ADGRE2: variants seen among roughly 807,000 people sequenced by gnomAD.
ADGRE2 encodes CD97 antigen.
ADGRE2 carries 83 observed loss-of-function variants against 100.8 expected under a neutral mutation model. The ratio of observed to expected loss-of-function variants is 0.82; its 90% CI spans 0.69 to 0.99. The LOEUF (loss-of-function observed/expected upper bound fraction) is 0.99. ADGRE2 is among the 50% of genes least tolerant of loss of function. The probability of loss-of-function intolerance (pLI) is 0.00; values close to 1 mark genes in which losing one functional copy is unlikely to be tolerated. For synonymous variants in ADGRE2, 355 were observed against 413.0 expected (o/e 0.86, Z 1.70); for missense variants, 814 against 1,035.7 (o/e 0.79, Z 2.94).
intron 16 of ADGRE2, among the ~76,000 whole-genome samples, chr19:14,750,638 A>G (rs973163886): frequency 6.6e-6 from 1 of 152,200 alleles, no homozygotes; most frequent in Non-Finnish European, 1.5e-5. Flanking sequence ...AATCTTAACT[A>G]TGACAATATC....
rs1002964878 is a variant in ADGRE2, at chr19:14,736,091, G to T, written c.*145C>A. On this transcript the variant is annotated 3_prime_UTR_variant, in exon 21 of 21. Transcript: ENST00000315576. ...TCTGCAGGAATTGAATGCCTAGCAC[G>T]CCTTCCATAACATCCTTCATATTGC... 2.6e-5 allele frequency: 19 copies of T among 726,676 alleles called. No homozygotes were observed. The highest frequency in any genetic ancestry group is 5.4e-5 in the African/African-American group (3 of 55,190). 45.0% of individuals were successfully genotyped at this position (726,676 alleles called of 1,614,324 possible).
chr19:14,770,904 T>A (rs571350690), intron 5 of ADGRE2, among the ~76,000 whole-genome samples: 67 of 152,154 alleles, frequency 4.4e-4, no homozygotes, highest in South Asian at 8.3e-4. Context: ...GGTCTTGAAC[T>A]CCTGACCTCA....
intron 11 of ADGRE2, among the ~76,000 whole-genome samples, chr19:14,763,153 C>T (rs1198986943): frequency 6.6e-6 from 1 of 152,000 alleles, no homozygotes; most frequent in African/African-American, 2.4e-5. Context: ...ACCATCCTGG[C>T]TAACACGGTG....
At chr19:14,727,497 G>A (rs1338354807), downstream of ADGRE2, among the ~76,000 whole-genome samples, 10 of 152,098 alleles carry the variant, frequency 6.6e-5, no homozygotes, top group Non-Finnish European at 1.3e-4. Context: ...GAGTAGAGAC[G>A]TTCCATACTC....
downstream of ADGRE2, among the ~76,000 whole-genome samples, chr19:14,730,740 G>C (rs372743614): frequency 2.6e-5 from 4 of 151,722 alleles, no homozygotes; most frequent in East Asian, 7.7e-4. Context: ...GCTGAGGTTT[G>C]GGGTACAAAT....
rs1438043808 is a variant in ADGRE2 at position 14,765,638 on chromosome 19, C to G, written c.781+20G>C. 6.2e-7 allele frequency: 1 copy of G among 1,614,242 alleles called. No homozygotes were observed. Among genetic ancestry groups the G allele is most frequent in the Non-Finnish European group, 8.5e-7 (1 of 1,180,024 alleles). ...CAGTGTGTGTGCTGGGGGTGGGGAG[C>G]TTCTAGGGCCAGGTCATACCTTCAC... On this transcript the variant is annotated intron_variant, in intron 8 of 20. Coordinates refer to ENST00000315576, the MANE Select transcript of ADGRE2 (RefSeq NM_013447.4).
intron 1 of ADGRE2, 69 bp from the exon 2 acceptor site, chr19:14,776,996 A>G: frequency 2.2e-6 from 3 of 1,365,638 alleles, no homozygotes; most frequent in Non-Finnish European, 1.9e-6. Context: ...ACACACACAC[A>G]CACACACACA....
intron 20 of ADGRE2, among the ~76,000 whole-genome samples, chr19:14,736,850 G>GATATTAAATATCTATATATTTCT (rs2042767799): frequency 4.2e-5 from 6 of 141,454 alleles, no homozygotes; most frequent in Non-Finnish European, 7.7e-5. Flanking sequence ...TATATATTTA[G>GATATTAAATATCTATATATTTCT]AAATATATAG....
chr19:14,754,483 CTATCTATT>C (rs2043419721), intron 14 of ADGRE2, among the ~76,000 whole-genome samples: 1 of 148,434 alleles, frequency 6.7e-6, no homozygotes, highest in South Asian at 2.1e-4. Flanking sequence ...ATCTATCTAT[CTATCTATT>C]CCATTAGTTC....
At chr19:14,753,730 G>C (rs1024316679) in intron 14 of ADGRE2, among the ~76,000 whole-genome samples, 6 of 151,846 alleles carry the variant, frequency 4.0e-5, no homozygotes, top group African/African-American at 1.5e-4. Flanking sequence ...GAAGGTCAAG[G>C]CTGCAGTGAG....
At chr19:14,774,850 T>C (rs1482216977) in intron 2 of ADGRE2, among the ~76,000 whole-genome samples, 1 of 149,882 alleles carries the variant, frequency 6.7e-6, no homozygotes, top group Non-Finnish European at 1.5e-5. Flanking sequence ...ATTTTTTGTA[T>C]TTTTAGTGAG....
intron 18 of ADGRE2, among the ~76,000 whole-genome samples, chr19:14,745,325 T>C (rs556036159): frequency 1.1e-4 from 16 of 152,328 alleles, no homozygotes; most frequent in African/African-American, 3.6e-4. Flanking sequence ...GATATTTTGT[T>C]AACATGCATA....
intron 11 of ADGRE2, among the ~76,000 whole-genome samples, chr19:14,760,108 G>C (rs769823871): frequency 1.2e-4 from 18 of 152,094 alleles, no homozygotes; most frequent in Non-Finnish European, 2.4e-4. Flanking sequence ...GTGAGCCACC[G>C]TGCCCGGCCC....
chr19:14,766,526 A>G (rs2043984704), intron 6 of ADGRE2, 145 bp from the exon 7 acceptor site: 1 of 937,592 alleles, frequency 1.1e-6, no homozygotes, highest in Non-Finnish European at 1.6e-6. Flanking sequence ...CTTCAACTTC[A>G]CCTTCAAAGC....
rs199894142 is a variant in ADGRE2 at position 14,765,590 on chromosome 19, C to T, written c.782-20G>A. On this transcript the variant is annotated intron_variant, in intron 8 of 20. Transcript: ENST00000315576. ...TCATATCTGTAGGGAACAAGACAAGCGGCTCATTAGGCGGGAGCGTGTCAG... is the reference window on the plus strand; with the variant it reads ...TCATATCTGTAGGGAACAAGACAAGTGGCTCATTAGGCGGGAGCGTGTCAG... The T allele has an allele frequency of 3.0e-4, 479 of 1,614,144 alleles. No individual in the cohort carries two copies. Among genetic ancestry groups the T allele is most frequent in the Non-Finnish European group, 3.5e-4 (408 of 1,179,908 alleles).
downstream of ADGRE2, among the ~76,000 whole-genome samples, chr19:14,728,274 G>A (rs543563076): frequency 4.7e-4 from 72 of 152,282 alleles, no homozygotes; most frequent in Non-Finnish European, 8.7e-4. Flanking sequence ...CTTGGTAAAG[G>A]CATGAGATAA....
chr19:14,740,365 T>C (rs2042891758), intron 20 of ADGRE2, among the ~76,000 whole-genome samples: 1 of 152,010 alleles, frequency 6.6e-6, no homozygotes, highest in Admixed American at 6.6e-5. Flanking sequence ...CTCACGCTTG[T>C]AATCCTAGTA....
At chr19:14,771,342 G>A (rs537748296) in intron 5 of ADGRE2, among the ~76,000 whole-genome samples, 1 of 152,266 alleles carries the variant, frequency 6.6e-6, no homozygotes, top group South Asian at 2.1e-4. Context: ...TGTACTCTGT[G>A]TTAATCTCCC....
chr19:14,748,685 T>C (rs1330534538), intron 16 of ADGRE2, among the ~76,000 whole-genome samples: 1 of 152,198 alleles, frequency 6.6e-6, no homozygotes, highest in Non-Finnish European at 1.5e-5. Context: ...GGTATATACC[T>C]GGGTCATATG....
Sources: allele counts gnomAD v4.1 joint callset (sites outside exome capture counted in the v4.1 genomes callset), GRCh38; gene constraint gnomAD v4.1.1; transcripts MANE v1.5; gene names NCBI Gene and HGNC (gene_info 2026-07-23, HGNC 2026-07-21).